The following IGF1 variants were observed in gnomAD, a reference collection of about 807,000 sequenced individuals.
IGF1 encodes insulin-like growth factor 1.
Under a neutral mutation model 13.8 loss-of-function variants are expected in IGF1, and 4 were observed. The observed-to-expected ratio is 0.29, with a 90% CI of 0.14 to 0.66. The LOEUF (loss-of-function observed/expected upper bound fraction) is 0.66. IGF1 is among the 30% of genes least tolerant of loss of function. The pLI, the probability that IGF1 is intolerant of heterozygous loss-of-function variation, is 0.78. For synonymous variants in IGF1, 76 were observed against 72.6 expected (o/e 1.05, Z -0.23); for missense variants, 124 against 188.5 (o/e 0.66, Z 2.00).
At chr12:102,402,743 T>G (rs2136940953) in intron 3 of IGF1, 177 bp from the exon 4 acceptor site, 1 of 639,862 alleles carries the variant, frequency 1.6e-6, no homozygotes, top group Non-Finnish European at 2.8e-6. Flanking sequence ...TTAGTACTTT[T>G]GCCAAACCTC....
chr12:102,479,832 A>G (rs767708199), intron 1 of IGF1, among the ~76,000 whole-genome samples: 25 of 152,212 alleles, frequency 1.6e-4, no homozygotes, highest in Non-Finnish European at 3.2e-4. Flanking sequence ...CTTTAATATC[A>G]TCTAAAATAC....
chr12:102,453,410 T>C (rs1309759129), intron 2 of IGF1, among the ~76,000 whole-genome samples: 8 of 152,212 alleles, frequency 5.3e-5, no homozygotes. Context: ...TGGCCTCCGG[T>C]ATTCAATTAT....
rs17885397 is a variant in IGF1 at position 102,398,017 on chromosome 12, T to A, written c.*4490A>T. ...GGGTTTAACTTATTATTCCTCATTC[T>A]GATATAAAAAAAGAAGAAAAGAACC... On this transcript the variant is annotated 3_prime_UTR_variant, in exon 4 of 4. Transcript: ENST00000337514. 7.9e-5 allele frequency: 12 copies of A among 150,972 alleles called. No individual in the cohort carries two copies. The highest frequency in any genetic ancestry group is 1.2e-4 in the Non-Finnish European group (8 of 67,716). The allele number at this position is 150,972 out of a possible 1,614,324, so 9.4% of individuals were successfully genotyped here.
At chr12:102,442,822 A>AG (rs1565985618) in intron 2 of IGF1, among the ~76,000 whole-genome samples, 1 of 152,194 alleles carries the variant, frequency 6.6e-6, no homozygotes, top group African/African-American at 2.4e-5. Context: ...TGTGGAGCTG[A>AG]GCCAGTCTTA....
At chr12:102,461,720 A>G (rs953382569) in intron 2 of IGF1, among the ~76,000 whole-genome samples, 4 of 152,180 alleles carry the variant, frequency 2.6e-5, no homozygotes, top group African/African-American at 7.2e-5. Context: ...TCCAGTTCAC[A>G]GAAGGTCAGG....
chr12:102,460,767 C>T (rs1879835958), intron 2 of IGF1, among the ~76,000 whole-genome samples: 1 of 152,088 alleles, frequency 6.6e-6, no homozygotes, highest in East Asian at 1.9e-4. Flanking sequence ...TCAGGGATAT[C>T]ACTGTATTAA....
chr12:102,472,924 C>A (rs528396474), intron 2 of IGF1, among the ~76,000 whole-genome samples: 2 of 152,190 alleles, frequency 1.3e-5, no homozygotes, highest in East Asian at 1.9e-4. Context: ...AACTAGATAA[C>A]CATGAGGTGA....
intron 1 of IGF1, chr12:102,478,739 G>T: frequency 9.6e-7 from 1 of 1,038,406 alleles, no homozygotes; most frequent in Non-Finnish European, 1.3e-6. Context: ...TTTCCCCCCA[G>T]TCAAGCCACC....
intron 2 of IGF1, among the ~76,000 whole-genome samples, chr12:102,446,837 C>T (rs1480497809): frequency 1.3e-5 from 2 of 152,156 alleles, no homozygotes; most frequent in Admixed American, 6.5e-5. Flanking sequence ...TTAGATCTTT[C>T]CCACTTTCTC....
intron 3 of IGF1, among the ~76,000 whole-genome samples, chr12:102,404,765 T>TG (rs942234966): frequency 1.9e-4 from 28 of 150,728 alleles, no homozygotes; most frequent in Non-Finnish European, 2.7e-4. Context: ...TTTTTGTTGT[T>TG]TTTTTTTTTT....
chr12:102,413,212 C>G (rs903838152), intron 3 of IGF1, among the ~76,000 whole-genome samples: 4 of 152,162 alleles, frequency 2.6e-5, no homozygotes, highest in Non-Finnish European at 5.9e-5. Flanking sequence ...TTTCATTGCT[C>G]CTGAAGGCTT....
chr12:102,476,398 G>C (rs938720147), intron 1 of IGF1, among the ~76,000 whole-genome samples: 1 of 124,286 alleles, frequency 8.0e-6, no homozygotes, highest in African/African-American at 2.8e-5. Context: ...TTTTTGTTTT[G>C]TTTCCTCAAT....
intron 2 of IGF1, chr12:102,463,227 T>C (rs897080096): frequency 1.3e-5 from 2 of 152,208 alleles, no homozygotes; most frequent in African/African-American, 2.4e-5. Context: ...GCCTTCAAAT[T>C]TCTTCATTCC....
At chr12:102,422,282 A>G (rs930049160) in intron 2 of IGF1, among the ~76,000 whole-genome samples, 2 of 152,236 alleles carry the variant, frequency 1.3e-5, no homozygotes, top group African/African-American at 4.8e-5. Flanking sequence ...ATTTTGCCAT[A>G]AATATAATTA....
Position 102,419,683 on chromosome 12 carries a change from G to A in IGF1, c.228C>T (p.Pro76=), listed in dbSNP as rs750471479. 6.2e-6 allele frequency: 10 copies of A among 1,611,964 alleles called. No homozygotes were observed. Among genetic ancestry groups the A allele is most frequent in the Non-Finnish European group, 7.6e-6 (9 of 1,179,990 alleles). Residue 76 remains proline (P), a synonymous_variant, in exon 3 of 4, where the codon CCC becomes CCT. Coordinates refer to ENST00000337514, the MANE Select transcript of IGF1 (RefSeq NM_000618.5). ...TCCGACTGCTGGAGCCATACCCTGT[G>A]GGCTTGTCTGCACAAATCAAACAGA... ...CGDRGFYFNK[P]TGYGSSSRRA...
rs569827813 is a variant in IGF1, at chr12:102,432,534, C to A, written c.221-12844G>T. 2.6e-5 allele frequency among the ~76,000 whole-genome samples: 4 copies of A among 152,302 alleles called. No homozygotes were observed. The South Asian group carries it at 8.3e-4, about 32-fold the overall frequency. ...AAGCAGAGAATTATATCCAGATTTTCTCCCGGGATTAGAAAAGAGACAGCC... is the reference window on the plus strand; with the variant it reads ...AAGCAGAGAATTATATCCAGATTTTATCCCGGGATTAGAAAAGAGACAGCC... On this transcript the variant is annotated intron_variant, in intron 2 of 3. Transcript: ENST00000337514.
chr12:102,428,106 C>A lies in IGF1; in HGVS notation c.221-8416G>T, dbSNP rs150552212. 1.7e-4 allele frequency among the ~76,000 whole-genome samples: 25 copies of A among 151,362 alleles called. No homozygotes were observed. In the East Asian group the frequency reaches 3.3e-3, roughly 20 times the overall value. ...TCCTCTGTGTGGATGCACAAGTCAC[C>A]CAAATTCTCTGAGATTCAGTTTCTC... On this transcript the variant is annotated intron_variant, in intron 2 of 3. Coordinates refer to ENST00000337514, the MANE Select transcript of IGF1 (RefSeq NM_000618.5).
At chr12:102,406,178 T>TTCTTTGTTGCAGACAATGGCATTG (rs1479833070) in intron 3 of IGF1, among the ~76,000 whole-genome samples, 1 of 152,238 alleles carries the variant, frequency 6.6e-6, no homozygotes, top group Non-Finnish European at 1.5e-5. Context: ...CACATGTGAC[T>TTCTTTGTTGCAGACAATGGCATTG]TCTTTGTTGC....
intron 2 of IGF1, among the ~76,000 whole-genome samples, chr12:102,437,730 A>G (rs989738469): frequency 2.6e-5 from 4 of 152,214 alleles, no homozygotes; most frequent in African/African-American, 9.6e-5. Context: ...CTGGTTAACA[A>G]TATCGTATTG....
Sources: allele counts gnomAD v4.1 joint callset (sites outside exome capture counted in the v4.1 genomes callset), GRCh38; gene constraint gnomAD v4.1.1; transcripts MANE v1.5; gene names NCBI Gene and HGNC (gene_info 2026-07-23, HGNC 2026-07-21).